HEPH: variants seen among roughly 807,000 people sequenced by gnomAD.
HEPH encodes hephaestin.
Under a neutral mutation model 80.8 loss-of-function variants are expected in HEPH, and 69 were observed. The observed-to-expected ratio is 0.85, with a 90% CI of 0.70 to 1.04. The LOEUF is 1.04. HEPH is among the 50% of genes least tolerant of loss of function. HEPH has a pLI of 0.00. For synonymous variants in HEPH, 431 were observed against 322.8 expected (o/e 1.34, Z -3.60); for missense variants, 1,115 against 891.3 (o/e 1.25, Z -3.20).
chrX:66,231,212 A>G (rs1322895947), intron 15 of HEPH, among the ~76,000 whole-genome samples: 1 of 109,145 alleles, frequency 9.2e-6, no homozygotes, highest in African/African-American at 3.3e-5. Flanking sequence ...AGGTAGTGTG[A>G]TGCCTCCAGC....
In HEPH at chrX:66,193,487, C is replaced by T; in HGVS notation, c.1233-15C>T. The T allele has an allele frequency of 1.8e-6, 2 of 1,130,294 alleles. No individual in the cohort carries two copies. Among genetic ancestry groups the T allele is most frequent in the African/African-American group, 3.6e-5 (2 of 55,051 alleles). The allele number at this position is 1,130,294 out of a possible 1,213,427, so 93.1% of individuals were successfully genotyped here. On this transcript the variant is annotated splice_polypyrimidine_tract_variant and intron_variant, in intron 7 of 20. Transcript: ENST00000343002. The stretch of plus-strand genomic sequence containing the variant: ...CCTAATGAAATAATATCATATTTTC[C>T]TTTTTATACATCAGTATCTCAGATA...
chrX:66,244,308 A>G, intron 15 of HEPH, among the ~76,000 whole-genome samples: 1 of 111,714 alleles, frequency 9.0e-6, no homozygotes, highest in Non-Finnish European at 1.9e-5. Flanking sequence ...GTTGTCAATG[A>G]GTCATAGATT....
intron 15 of HEPH, among the ~76,000 whole-genome samples, chrX:66,250,599 C>A (rs1036409644): frequency 9.0e-6 from 1 of 110,991 alleles, no homozygotes; most frequent in African/African-American, 3.3e-5. Flanking sequence ...TATATATATT[C>A]TTTGATTTAC....
At chrX:66,247,963 C>A (rs1327010401) in intron 15 of HEPH, among the ~76,000 whole-genome samples, 3 of 111,680 alleles carry the variant, frequency 2.7e-5, no homozygotes, top group Non-Finnish European at 5.7e-5. Flanking sequence ...ACTGAAAACT[C>A]CTCTGATTTG....
chrX:66,214,594 T>C (rs1196421797), intron 15 of HEPH, among the ~76,000 whole-genome samples: 1 of 111,785 alleles, frequency 8.9e-6, no homozygotes, highest in African/African-American at 3.2e-5. Flanking sequence ...ACAAAGACGT[T>C]CTGCTGCATT....
rs2091558745 is a variant in HEPH, at chrX:66,266,965, G to T, written c.*293G>T. On this transcript the variant is annotated 3_prime_UTR_variant, in exon 21 of 21. Coordinates refer to ENST00000343002, the MANE Select transcript of HEPH (RefSeq NM_001367233.3). The stretch of plus-strand genomic sequence containing the variant: ...TATATTTCCTTCTGACACTTGGAAG[G>T]TATTGAAATTTCTAGAAATGTATCC... 4.1e-6 allele frequency: 1 copy of T among 245,112 alleles called. No homozygotes were observed. Among genetic ancestry groups the T allele is most frequent in the Non-Finnish European group, 7.2e-6 (1 of 138,100 alleles). The allele number at this position is 245,112 out of a possible 1,213,427, so 20.2% of individuals were successfully genotyped here. A position where few individuals can be genotyped will look rare whatever the true frequency, so the allele number is the denominator to read the frequency against.
At chrX:66,255,241 C>CT in intron 16 of HEPH, 100 bp downstream of exon 16, 1 of 471,261 alleles carries the variant, frequency 2.1e-6, no homozygotes, top group Non-Finnish European at 3.5e-6. Context: ...GATTCTAGAG[C>CT]CTAGAATTTG....
In HEPH at chrX:66,266,428, T is replaced by C. The variant is rs1380293577; in HGVS notation, c.3245-12T>C. On this transcript the variant is annotated splice_polypyrimidine_tract_variant and intron_variant, in intron 20 of 20. Transcript: ENST00000343002. ...CATCCCAGGATGCCCATTTTTTTTT[T>C]CTCCATTTCAGCAGTGCCCCCCAGA... The C allele has an allele frequency of 7.6e-6, 9 of 1,191,351 alleles. No individual in the cohort carries two copies. The highest frequency in any genetic ancestry group is 3.6e-5 in the South Asian group (2 of 55,654).
intron 20 of HEPH, among the ~76,000 whole-genome samples, chrX:66,263,904 C>T (rs754112978): frequency 9.0e-6 from 1 of 111,012 alleles, no homozygotes; most frequent in East Asian, 2.8e-4. Context: ...CTCAAACCTC[C>T]TGAGTTGGGG....
At chrX:66,200,291 T>G (rs1262852392) in intron 11 of HEPH, among the ~76,000 whole-genome samples, 1 of 103,390 alleles carries the variant, frequency 9.7e-6, no homozygotes, top group Non-Finnish European at 1.9e-5. Flanking sequence ...TGGAGAATAG[T>G]TCAATGTTGT....
intron 12 of HEPH, among the ~76,000 whole-genome samples, chrX:66,201,846 G>A (rs919551302): frequency 6.2e-5 from 7 of 112,061 alleles, no homozygotes; most frequent in African/African-American, 2.3e-4. Context: ...GGAAGTGGCA[G>A]TTTAAACGAA....
intron 15 of HEPH, among the ~76,000 whole-genome samples, chrX:66,224,321 C>CT (rs746895556): frequency 0.016 from 1,638 of 104,291 alleles, 11 homozygotes; most frequent in Non-Finnish European, 0.019. Context: ...GTATAGATGA[C>CT]TTTTTTTTTT....
At chrX:66,174,219 C>T (rs1030460470) in intron 4 of HEPH, among the ~76,000 whole-genome samples, 1 of 110,556 alleles carries the variant, frequency 9.0e-6, no homozygotes, top group African/African-American at 3.3e-5. Context: ...TCTTTTGCAC[C>T]CTCACAGTTT....
chrX:66,232,523 G>A (rs1021467259), intron 15 of HEPH, among the ~76,000 whole-genome samples: 1 of 111,206 alleles, frequency 9.0e-6, no homozygotes, highest in Admixed American at 9.6e-5. Context: ...TTAATATAAT[G>A]TCCGTATGAA....
At chrX:66,193,764 T>C (rs918024946) in intron 8 of HEPH, 126 bp downstream of exon 8, 1 of 425,175 alleles carries the variant, frequency 2.4e-6, no homozygotes, top group Admixed American at 4.9e-5. Context: ...GTGAGTCTTA[T>C]GAGATGATTG....
intron 11 of HEPH, 139 bp from the exon 12 acceptor site, chrX:66,200,401 G>A: frequency 2.1e-6 from 1 of 473,396 alleles, no homozygotes; most frequent in African/African-American, 2.4e-5. Context: ...GGCATAGAGA[G>A]GAAGGCAGAG....
At chrX:66,199,844 A>G (rs933933146) in intron 11 of HEPH, among the ~76,000 whole-genome samples, 3 of 112,037 alleles carry the variant, frequency 2.7e-5, no homozygotes, top group Non-Finnish European at 5.6e-5. Flanking sequence ...AGAGGAAATC[A>G]TGTGAAAAGT....
chrX:66,217,716 A>G (rs929282164), intron 15 of HEPH, among the ~76,000 whole-genome samples: 19 of 111,829 alleles, frequency 1.7e-4, no homozygotes, highest in Non-Finnish European at 3.2e-4. Flanking sequence ...AATGGCCTAA[A>G]TGCTCCATTT....
intron 15 of HEPH, among the ~76,000 whole-genome samples, chrX:66,242,814 G>T (rs376079753): frequency 1.8e-5 from 2 of 111,651 alleles, no homozygotes; most frequent in Non-Finnish European, 3.8e-5. Context: ...GCAATGAGAT[G>T]CCATCTCACA....
Sources: allele counts gnomAD v4.1 joint callset (sites outside exome capture counted in the v4.1 genomes callset), GRCh38; gene constraint gnomAD v4.1.1; transcripts MANE v1.5; gene names NCBI Gene and HGNC (gene_info 2026-07-23, HGNC 2026-07-21).